Variants in UBR3 observed in about 807,000 individuals in gnomAD.
UBR3 encodes ubiquitin protein ligase E3 component n-recognin 3.
A neutral mutation model predicts 243.2 loss-of-function variants in UBR3; 85 were observed. That is an observed-to-expected ratio of 0.35 (90% CI 0.29 to 0.42). The LOEUF is 0.42. Among genes scored for constraint, UBR3 ranks in the 10% least tolerant of loss-of-function variants. The probability of loss-of-function intolerance (pLI) is 1.00; values close to 1 mark genes in which losing one functional copy is unlikely to be tolerated. For synonymous variants in UBR3, 748 were observed against 799.8 expected (o/e 0.94, Z 1.09); for missense variants, 1,686 against 2,300.8 (o/e 0.73, Z 5.47).
At chr2:170,024,189 C>A (rs1201499625) in intron 30 of UBR3, among the ~76,000 whole-genome samples, 1 of 151,386 alleles carries the variant, frequency 6.6e-6, no homozygotes, top group Non-Finnish European at 1.5e-5. Context: ...CCCGTCTCTA[C>A]TAAAAATACA....
chr2:169,857,064 G>GTTTTGTTTTTTGTTTTTTTTTTTTTT (rs1255937396), intron 1 of UBR3, among the ~76,000 whole-genome samples: 1 of 56,082 alleles, frequency 1.8e-5, no homozygotes, highest in Non-Finnish European at 3.2e-5. Flanking sequence ...ATTTTATTAT[G>GTTTTGTTTTTTGTTTTTTTTTTTTTT]TTTTTTTTTT....
intron 25 of UBR3, among the ~76,000 whole-genome samples, chr2:169,987,362 C>T (rs1306019672): frequency 7.3e-6 from 1 of 136,698 alleles, no homozygotes; most frequent in Non-Finnish European, 1.5e-5. Flanking sequence ...CACTGCACTC[C>T]AGCCTGGGTG....
intron 24 of UBR3, among the ~76,000 whole-genome samples, chr2:169,967,244 C>CCCCCCCAGG (rs2087858630): frequency 8.9e-6 from 1 of 112,180 alleles, no homozygotes. Flanking sequence ...CCCCCACCCC[C>CCCCCCCAGG]CTACAGGGTA....
intron 8 of UBR3, among the ~76,000 whole-genome samples, chr2:169,899,959 A>G (rs1455085608): frequency 6.6e-6 from 1 of 152,042 alleles, no homozygotes; most frequent in Non-Finnish European, 1.5e-5. Context: ...CGCAATATAC[A>G]TGTGCATGTG....
chr2:169,886,881 T>C (rs1032517122), intron 5 of UBR3, among the ~76,000 whole-genome samples: 1 of 152,196 alleles, frequency 6.6e-6, no homozygotes, highest in East Asian at 1.9e-4. Context: ...TTTCATCTTA[T>C]TGTTATAGTC....
At chr2:169,841,552 C>G (rs2082288315) in intron 1 of UBR3, among the ~76,000 whole-genome samples, 1 of 152,342 alleles carries the variant, frequency 6.6e-6, no homozygotes, top group Admixed American at 6.5e-5. Context: ...CGAGCCGGAA[C>G]TGGGGCTGCG....
rs865917305 is a variant in UBR3, at chr2:169,875,524, A to C, written c.686-267A>C. On this transcript the variant is annotated intron_variant, in intron 2 of 38. Coordinates refer to ENST00000272793, the MANE Select transcript of UBR3 (RefSeq NM_172070.4). ...TTTGTATTTAAATGCTTCTTACACA[A>C]ATTAAGTGCTTCATATCTTAGGAGG... Among the ~76,000 whole-genome samples, 3 of 152,176 alleles carry C rather than the reference A, an allele frequency of 2.0e-5. No homozygotes were observed. In the Middle Eastern group the frequency reaches 0.01, roughly 518 times the overall value.
In UBR3 at chr2:170,047,645, T is replaced by TC. The variant is rs563238673; in HGVS notation, c.4660+6666dup. On this transcript the variant is annotated intron_variant, in intron 32 of 38. Coordinates refer to ENST00000272793, the MANE Select transcript of UBR3 (RefSeq NM_172070.4). The stretch of plus-strand genomic sequence containing the variant: ...AGAAGCCATACGTGATGTACAGTAG[T>TC]CCCCCCTTACCCATGGTTGCACTTT... 8.5e-4 allele frequency among the ~76,000 whole-genome samples: 129 copies of TC among 152,266 alleles called. 1 individual carries two copies. The highest frequency in any genetic ancestry group is 2.9e-3 in the African/African-American group (121 of 41,552).
intron 22 of UBR3, 34 bp downstream of exon 22, chr2:169,947,749 A>T (rs2086842601): frequency 7.1e-7 from 1 of 1,416,068 alleles, no homozygotes; most frequent in Non-Finnish European, 9.2e-7. Flanking sequence ...AATAAGAAAA[A>T]GCTTTATGTT....
intron 1 of UBR3, among the ~76,000 whole-genome samples, chr2:169,846,943 C>G (rs898879708): frequency 6.6e-6 from 1 of 152,118 alleles, no homozygotes; most frequent in East Asian, 1.9e-4. Flanking sequence ...GCCATGTTGT[C>G]CAGGCTGGTT....
chr2:170,064,400 C>T (rs2091512116), intron 35 of UBR3, among the ~76,000 whole-genome samples: 1 of 151,774 alleles, frequency 6.6e-6, no homozygotes, highest in African/African-American at 2.4e-5. Context: ...CTACTATGTA[C>T]CCACAAAAAT....
rs144751242 is a variant in UBR3 at position 169,907,779 on chromosome 2, AT to A, written c.1779+1624del. Reference sequence around the variant, plus strand: ...CGTTATCTTTTTTTTTAATTTTTAAATTTTTTTTTATTTTTTGAGATGGAGT... The same window carrying A: ...CGTTATCTTTTTTTTTAATTTTTAAATTTTTTTTATTTTTTGAGATGGAGT... On this transcript the variant is annotated intron_variant, in intron 10 of 38. Transcript: ENST00000272793. Among the ~76,000 whole-genome samples, 7 of 150,664 alleles carry A rather than the reference AT, an allele frequency of 4.6e-5. No homozygotes were observed. In the East Asian group the frequency reaches 1.4e-3, roughly 29 times the overall value.
rs72887743 is a variant in UBR3 at position 169,880,595 on chromosome 2, C to T, written c.1038+2021C>T. ...ATTTTATGGTTGGGTGCTAGAAGGA[C>T]ATCCTTGTGTGTGTGTTTGTGTGTG... On this transcript the variant is annotated intron_variant, in intron 5 of 38. Transcript: ENST00000272793. Among the ~76,000 whole-genome samples, 1,126 of 152,224 alleles carry T rather than the reference C, an allele frequency of 7.4e-3. 10 individuals are homozygous for T. Among genetic ancestry groups the T allele is most frequent in the Non-Finnish European group, 0.012 (823 of 68,004 alleles).
intron 24 of UBR3, among the ~76,000 whole-genome samples, chr2:169,960,316 T>TTG (rs2087511133): frequency 6.6e-6 from 1 of 152,060 alleles, no homozygotes; most frequent in South Asian, 2.1e-4. Flanking sequence ...TAAATGAATT[T>TTG]TGTGTTTAGA....
intron 31 of UBR3, among the ~76,000 whole-genome samples, chr2:170,030,982 A>G (rs2090652606): frequency 6.6e-6 from 1 of 152,018 alleles, no homozygotes; most frequent in African/African-American, 2.4e-5. Flanking sequence ...TTTCGGGGAG[A>G]TGGGATCTCA....
chr2:170,035,056 G>A (rs1291325825), intron 31 of UBR3, among the ~76,000 whole-genome samples: 10 of 151,678 alleles, frequency 6.6e-5, no homozygotes, highest in Admixed American at 6.6e-4. Flanking sequence ...ATATTTATAC[G>A]AGTATTTTAC....
At chr2:169,908,491 CA>C (rs888985199) in intron 10 of UBR3, among the ~76,000 whole-genome samples, 7 of 152,174 alleles carry the variant, frequency 4.6e-5, no homozygotes, top group African/African-American at 1.7e-4. Context: ...TTCATTTATT[CA>C]AAAAATATAT....
intron 30 of UBR3, 84 bp from the exon 31 acceptor site, chr2:170,029,262 A>G: frequency 1.8e-6 from 2 of 1,101,798 alleles, no homozygotes; most frequent in Non-Finnish European, 2.6e-6. Flanking sequence ...AGATTTCCTT[A>G]TGAAATAACT....
chr2:170,076,516 C>T (rs2105459664), intron 36 of UBR3, among the ~76,000 whole-genome samples: 1 of 152,298 alleles, frequency 6.6e-6, no homozygotes, highest in Middle Eastern at 3.4e-3. Context: ...TTGTTCCTGT[C>T]ATTTGTACTC....
Sources: gnomAD v4.1 joint callset for allele counts (sites outside exome capture counted in the v4.1 genomes callset) on GRCh38, gnomAD v4.1.1 for gene constraint, MANE v1.5 for transcripts, NCBI Gene and HGNC (gene_info 2026-07-23, HGNC 2026-07-21) for gene names.